PLEKHA7: variants seen among roughly 807,000 people sequenced by gnomAD.
The protein encoded by PLEKHA7 is pleckstrin homology domain containing A7, also known as pleckstrin homology domain-containing family A member 7.
A neutral mutation model predicts 170.0 loss-of-function variants in PLEKHA7; 104 were observed. The ratio of observed to expected loss-of-function variants is 0.61; its 90% CI spans 0.52 to 0.72. The LOEUF (loss-of-function observed/expected upper bound fraction) is 0.72, where lower values mean the gene tolerates loss of function less well. PLEKHA7 is among the 30% of genes least tolerant of loss of function. The pLI, the probability that PLEKHA7 is intolerant of heterozygous loss-of-function variation, is 0.00. For missense variants in PLEKHA7, 1,615 were observed against 1,671.7 expected (o/e 0.97, Z 0.59); for synonymous variants, 648 against 660.8 (o/e 0.98, Z 0.30).
At position 17,014,204 on chromosome 11, in the gene PLEKHA7, G is replaced by T. The variant is rs748196953; in HGVS notation, c.87-3C>A. The T allele has an allele frequency of 1.3e-6, 2 of 1,581,706 alleles. No individual in the cohort carries two copies. Among genetic ancestry groups the T allele is most frequent in the Non-Finnish European group, 1.7e-6 (2 of 1,167,024 alleles). ...AGGTCGTGCAGCGGAGCTGGTCACT[G>T]CGGGCAGAGAGGTGCACCTGTTAGC... On this transcript the variant is annotated splice_polypyrimidine_tract_variant and splice_region_variant and intron_variant, in intron 1 of 26. Transcript: ENST00000531066.
intron 10 of PLEKHA7, among the ~76,000 whole-genome samples, chr11:16,818,116 C>T (rs1193968961): frequency 2.6e-5 from 4 of 152,172 alleles, no homozygotes; most frequent in African/African-American, 4.8e-5. Flanking sequence ...CCGTCCCAGC[C>T]TCCTCCACAC....
intron 3 of PLEKHA7, among the ~76,000 whole-genome samples, chr11:16,937,343 G>A (rs1860374840): frequency 6.6e-6 from 1 of 152,122 alleles, no homozygotes; most frequent in East Asian, 1.9e-4. Context: ...GTCTCATGAG[G>A]TATATAGTCT....
chr11:16,987,004 G>GCCCAACCCAA (rs1863767276), intron 3 of PLEKHA7, among the ~76,000 whole-genome samples: 1 of 152,294 alleles, frequency 6.6e-6, no homozygotes, highest in South Asian at 2.1e-4. Context: ...GCCCAACCCA[G>GCCCAACCCAA]CCCAGGGAAG....
intron 16 of PLEKHA7, 97 bp from the exon 17 acceptor site, chr11:16,801,172 G>GGGGAAGA: frequency 9.6e-7 from 1 of 1,047,086 alleles, no homozygotes; most frequent in Non-Finnish European, 1.5e-6. Context: ...GACCCAGCCA[G>GGGGAAGA]GGGAAGAGGG....
chr11:16,831,855 C>T (rs1484411978), intron 9 of PLEKHA7, among the ~76,000 whole-genome samples: 2 of 152,198 alleles, frequency 1.3e-5, no homozygotes, highest in Non-Finnish European at 1.5e-5. Context: ...ATACAAATGT[C>T]TTCACTACCC....
Position 16,789,683 on chromosome 11 carries a change from G to T in PLEKHA7, c.3156+92C>A. ...GGCCACCCCAGAGGCCATCCCCAGG[G>T]CTGAAGGGATGGCCAGTTACTGTCC... On this transcript the variant is annotated intron_variant, in intron 22 of 26. Coordinates refer to ENST00000531066, the MANE Select transcript of PLEKHA7 (RefSeq NM_001329630.2). The surrounding 1 kb of genome is among the most constrained non-coding windows in gnomAD (Gnocchi z 4.6). 8.4e-7 allele frequency: 1 copy of T among 1,185,594 alleles called. No individual in the cohort carries two copies. The allele number at this position is 1,185,594 out of a possible 1,614,324, so 73.4% of individuals were successfully genotyped here.
intron 3 of PLEKHA7, among the ~76,000 whole-genome samples, chr11:16,872,323 G>A (rs922282581): frequency 2.6e-5 from 4 of 151,944 alleles, no homozygotes; most frequent in Non-Finnish European, 5.9e-5. Flanking sequence ...TCTCTATGTG[G>A]AGATATACCC....
At chr11:16,806,662 T>C (rs1433713206) in intron 13 of PLEKHA7, among the ~76,000 whole-genome samples, 1 of 151,988 alleles carries the variant, frequency 6.6e-6, no homozygotes, top group Non-Finnish European at 1.5e-5. Context: ...GGGCAGGGGG[T>C]GGCATTTTAT....
intron 4 of PLEKHA7, among the ~76,000 whole-genome samples, chr11:16,860,523 A>G (rs1853860482): frequency 6.6e-6 from 1 of 152,128 alleles, no homozygotes; most frequent in African/African-American, 2.4e-5. Context: ...AAGCAGAGGG[A>G]TTAGGCTGTA....
At chr11:16,794,086 A>G (rs1458224457) in intron 19 of PLEKHA7, among the ~76,000 whole-genome samples, 6 of 152,054 alleles carry the variant, frequency 3.9e-5, no homozygotes, top group Non-Finnish European at 8.8e-5. Flanking sequence ...TTTCCACTGG[A>G]CTGAACTCAC....
chr11:16,828,582 G>A (rs979171383), intron 9 of PLEKHA7, among the ~76,000 whole-genome samples: 5 of 152,058 alleles, frequency 3.3e-5, no homozygotes, highest in African/African-American at 1.2e-4. Context: ...GAAACCCCAA[G>A]CTTTGTGGAA....
chr11:16,934,595 CT>C (rs1167165526), intron 3 of PLEKHA7, among the ~76,000 whole-genome samples: 8 of 152,228 alleles, frequency 5.3e-5, no homozygotes, highest in Non-Finnish European at 7.3e-5. Context: ...TGCCATTCTC[CT>C]TGTCTCCTTA....
At chr11:16,853,084 G>A (rs1446583305) in intron 6 of PLEKHA7, among the ~76,000 whole-genome samples, 1 of 152,146 alleles carries the variant, frequency 6.6e-6, no homozygotes, top group Non-Finnish European at 1.5e-5. Context: ...GGCTGTTCAC[G>A]TCTGTACTGC....
chr11:16,807,564 A>G (rs1437547235), intron 13 of PLEKHA7, among the ~76,000 whole-genome samples: 1 of 152,204 alleles, frequency 6.6e-6, no homozygotes, highest in Non-Finnish European at 1.5e-5. Context: ...AAGGAGGAAC[A>G]TGATAGAAGG....
At chr11:16,948,592 CATAT>C (rs1229790695) in intron 3 of PLEKHA7, among the ~76,000 whole-genome samples, 2 of 151,978 alleles carry the variant, frequency 1.3e-5, no homozygotes, top group Non-Finnish European at 2.9e-5. Flanking sequence ...TACATGCACA[CATAT>C]ATACTCGCAC....
At chr11:16,829,075 C>T (rs1356733623) in intron 9 of PLEKHA7, among the ~76,000 whole-genome samples, 1 of 151,796 alleles carries the variant, frequency 6.6e-6, no homozygotes, top group African/African-American at 2.4e-5. Flanking sequence ...ATGATCACGG[C>T]TCACTGCAGC....
intron 5 of PLEKHA7, 42 bp from the exon 6 acceptor site, chr11:16,855,035 G>A (rs1853315633): frequency 6.4e-7 from 1 of 1,574,144 alleles, no homozygotes; most frequent in Admixed American, 1.7e-5. Flanking sequence ...GGGAATTTAA[G>A]GTGACACAAA....
intron 3 of PLEKHA7, among the ~76,000 whole-genome samples, chr11:16,971,243 G>A (rs925052869): frequency 6.6e-6 from 1 of 152,190 alleles, no homozygotes; most frequent in African/African-American, 2.4e-5. Flanking sequence ...AGCTTTGTAT[G>A]TAAGTGGATT....
rs75111889 is a variant in PLEKHA7, at chr11:16,779,715, G to C, written c.3794-695C>G. 7.8e-3 allele frequency among the ~76,000 whole-genome samples: 1,188 copies of C among 152,274 alleles called. 19 individuals are homozygous for C. The highest frequency in any genetic ancestry group is 0.027 in the African/African-American group (1,104 of 41,540). ...GGGGACCTGCTGACTCTGCTGTGAG[G>C]CACGGGGAGCACCCAGGATAGACAC... On this transcript the variant is annotated intron_variant, in intron 26 of 26. Transcript: ENST00000531066.
Sources: allele counts gnomAD v4.1 joint callset (sites outside exome capture counted in the v4.1 genomes callset), GRCh38; gene constraint gnomAD v4.1.1; non-coding constraint Gnocchi (gnomAD v3.1); transcripts MANE v1.5; gene names NCBI Gene and HGNC (gene_info 2026-07-23, HGNC 2026-07-21).